The following MTUS2 variants were observed in gnomAD, a reference collection of about 807,000 sequenced individuals.
The protein encoded by MTUS2 is microtubule-associated tumor suppressor candidate 2.
Under a neutral mutation model 114.1 loss-of-function variants are expected in MTUS2, and 40 were observed. The ratio of observed to expected loss-of-function variants is 0.35; its 90% CI spans 0.27 to 0.46. The LOEUF is 0.46. Ranked by LOEUF, MTUS2 falls within the 20% of genes least tolerant of loss-of-function variation. MTUS2 has a pLI of 1.00. For missense variants in MTUS2, 1,679 were observed against 1,705.4 expected (o/e 0.98, Z 0.27); for synonymous variants, 688 against 672.0 (o/e 1.02, Z -0.37).
chr13:28,889,373 G>A (rs1421666969), intron 2 of MTUS2, among the ~76,000 whole-genome samples: 1 of 152,166 alleles, frequency 6.6e-6, no homozygotes, highest in East Asian at 1.9e-4. Flanking sequence ...CTGTGCTCGT[G>A]TCACGCTTGC....
chr13:28,894,908 T>A (rs560475666), intron 2 of MTUS2, among the ~76,000 whole-genome samples: 3 of 152,348 alleles, frequency 2.0e-5, no homozygotes, highest in African/African-American at 7.2e-5. Flanking sequence ...ATAGTCAGAT[T>A]AATGAATTGG....
chr13:28,978,560 C>G (rs9551583), intron 2 of MTUS2, among the ~76,000 whole-genome samples: 26,647 of 152,108 alleles, frequency 0.18, 2,883 homozygotes, highest in East Asian at 0.51. Context: ...GCTTAGCAGG[C>G]CATCTTTGTT....
intron 7 of MTUS2, among the ~76,000 whole-genome samples, chr13:29,340,892 A>C (rs1000430540): frequency 6.6e-6 from 1 of 152,216 alleles, no homozygotes; most frequent in Admixed American, 6.5e-5. Flanking sequence ...GAGTGAGAAC[A>C]TACAATGTTT....
At chr13:29,428,747 C>T in intron 8 of MTUS2, 5 of 1,585,406 alleles carry the variant, frequency 3.2e-6, no homozygotes, top group East Asian at 4.5e-5. Context: ...CAGCTCCCAG[C>T]GGCGCGCCCC....
intron 8 of MTUS2, among the ~76,000 whole-genome samples, chr13:29,407,700 AATTCCTGACCCCAAGTG>A (rs1285680956): frequency 1.9e-4 from 29 of 151,998 alleles, no homozygotes; most frequent in African/African-American, 6.8e-4. Flanking sequence ...GCTGGTCTTG[AATTCCTGACCCCAAGTG>A]ATTCACCTGC....
At chr13:29,428,678 C>A in intron 8 of MTUS2, 1 of 1,376,276 alleles carries the variant, frequency 7.3e-7, no homozygotes, top group East Asian at 3.0e-5. Context: ...CCTCTGCCTC[C>A]TGGATTCCTG....
intron 4 of MTUS2, among the ~76,000 whole-genome samples, chr13:29,088,573 A>ACTATT: frequency 6.6e-6 from 1 of 152,288 alleles, no homozygotes; most frequent in South Asian, 2.1e-4. Flanking sequence ...TAGGTGTTGA[A>ACTATT]GTCTCCCACT....
chr13:29,262,229 A>G (rs1041587314), intron 5 of MTUS2, among the ~76,000 whole-genome samples: 1 of 152,234 alleles, frequency 6.6e-6, no homozygotes, highest in Admixed American at 6.5e-5. Context: ...TGTTATCCAC[A>G]GGGAAACTGA....
At chr13:29,342,263 T>C (rs1901439815) in intron 7 of MTUS2, among the ~76,000 whole-genome samples, 1 of 152,224 alleles carries the variant, frequency 6.6e-6, no homozygotes, top group Non-Finnish European at 1.5e-5. Context: ...TTTCACAATA[T>C]TGATTCTACC....
intron 2 of MTUS2, among the ~76,000 whole-genome samples, chr13:28,930,634 C>T (rs946221801): frequency 2.6e-5 from 4 of 152,166 alleles, no homozygotes; most frequent in Admixed American, 2.6e-4. Context: ...GCTCTTCAGG[C>T]ACTGATAGGA....
chr13:29,104,153 G>A (rs1890553177), intron 5 of MTUS2, among the ~76,000 whole-genome samples: 1 of 152,200 alleles, frequency 6.6e-6, no homozygotes, highest in Non-Finnish European at 1.5e-5. Flanking sequence ...GGCTTTCTAA[G>A]TCAGGTGCTC....
At chr13:29,373,559 G>A (rs972849926) in intron 8 of MTUS2, among the ~76,000 whole-genome samples, 11 of 152,170 alleles carry the variant, frequency 7.2e-5, no homozygotes, top group Non-Finnish European at 1.3e-4. Flanking sequence ...CAGCATACAC[G>A]GACTTTGAGA....
chr13:29,175,755 A>G (rs7985374), intron 5 of MTUS2, among the ~76,000 whole-genome samples: 112,594 of 151,858 alleles, frequency 0.74, 41,852 homozygotes, highest in East Asian at 0.8. Flanking sequence ...TGTTATTTAG[A>G]GTCTCAACAA....
At chr13:29,249,376 A>G (rs1479884774) in intron 5 of MTUS2, among the ~76,000 whole-genome samples, 1 of 152,164 alleles carries the variant, frequency 6.6e-6, no homozygotes, top group East Asian at 1.9e-4. Flanking sequence ...ATCCTTGAGG[A>G]ATCACCATAC....
chr13:29,265,548 C>T (rs1566099153), intron 5 of MTUS2, among the ~76,000 whole-genome samples: 1 of 152,254 alleles, frequency 6.6e-6, no homozygotes, highest in Non-Finnish European at 1.5e-5. Flanking sequence ...TGAAGAAATA[C>T]TGGAGACTGG....
chr13:29,416,781 C>T (rs1459600481), intron 8 of MTUS2, among the ~76,000 whole-genome samples: 1 of 152,028 alleles, frequency 6.6e-6, no homozygotes, highest in South Asian at 2.1e-4. Context: ...CTCTGAATAT[C>T]GAATACTTTT....
chr13:29,405,224 A>G (rs1874663880), intron 8 of MTUS2, among the ~76,000 whole-genome samples: 1 of 152,206 alleles, frequency 6.6e-6, no homozygotes, highest in Admixed American at 6.5e-5. Flanking sequence ...ATGAATTTCA[A>G]ATTTGAATAA....
intron 2 of MTUS2, among the ~76,000 whole-genome samples, chr13:29,021,321 T>G (rs1055828220): frequency 6.6e-6 from 1 of 152,174 alleles, no homozygotes; most frequent in African/African-American, 2.4e-5. Flanking sequence ...CCCTAGGAGG[T>G]TCCACCTTTC....
chr13:29,346,126 G>A (rs960145763), intron 7 of MTUS2, among the ~76,000 whole-genome samples: 1 of 152,186 alleles, frequency 6.6e-6, no homozygotes, highest in Admixed American at 6.5e-5. Flanking sequence ...GCTTAGTGTT[G>A]GTTGGCCGCC....
Sources: gnomAD v4.1 joint callset for allele counts (sites outside exome capture counted in the v4.1 genomes callset) on GRCh38, gnomAD v4.1.1 for gene constraint, MANE v1.5 for transcripts, NCBI Gene and HGNC (gene_info 2026-07-23, HGNC 2026-07-21) for gene names.